MYOF: variants seen among roughly 807,000 people sequenced by gnomAD.
MYOF encodes fer-1-like 3, myoferlin.
Under a neutral mutation model 284.2 loss-of-function variants are expected in MYOF, and 244 were observed. The ratio of observed to expected loss-of-function variants is 0.86; its 90% CI spans 0.77 to 0.95. The LOEUF (loss-of-function observed/expected upper bound fraction) is 0.95. MYOF is among the 40% of genes least tolerant of loss of function. The pLI, the probability that MYOF is intolerant of heterozygous loss-of-function variation, is 0.00. For missense variants in MYOF, 2,496 were observed against 2,560.6 expected (o/e 0.97, Z 0.54); for synonymous variants, 904 against 919.7 (o/e 0.98, Z 0.31).
chr10:93,455,207 T>C (rs1324380152), intron 2 of MYOF, among the ~76,000 whole-genome samples: 1 of 151,088 alleles, frequency 6.6e-6, no homozygotes, highest in Non-Finnish European at 1.5e-5. Flanking sequence ...GAGAATTGCT[T>C]GAACCCAGGA....
intron 3 of MYOF, among the ~76,000 whole-genome samples, chr10:93,436,746 C>A (rs1021148051): frequency 6.6e-6 from 1 of 152,188 alleles, no homozygotes. Flanking sequence ...ATGACTTGGC[C>A]TCTTACACAG....
At chr10:93,307,364 C>T (rs1254667023) in intron 53 of MYOF, among the ~76,000 whole-genome samples, 4 of 152,122 alleles carry the variant, frequency 2.6e-5, no homozygotes, top group East Asian at 1.9e-4. Context: ...GGCGCGATCT[C>T]GGCTCACTGC....
At chr10:93,434,539 A>G (rs1849027755) in intron 3 of MYOF, among the ~76,000 whole-genome samples, 1 of 152,044 alleles carries the variant, frequency 6.6e-6, no homozygotes, top group Non-Finnish European at 1.5e-5. Context: ...GTCAATACAG[A>G]AATTAATTCT....
intron 3 of MYOF, among the ~76,000 whole-genome samples, chr10:93,446,367 T>A (rs545768350): frequency 4.1e-4 from 62 of 152,320 alleles, no homozygotes; most frequent in African/African-American, 1.5e-3. Context: ...AGTCCAAAAG[T>A]CAGTGTTACC....
rs371104829 is a variant in MYOF, at chr10:93,329,687, G to T, written c.4959C>A (p.Cys1653Ter). Residue 1653 changes from cysteine (C) to a stop codon, truncating the protein, a stop_gained, in exon 44 of 54, where the codon TGC (cysteine) becomes TGA (stop). Transcript: ENST00000359263. LOFTEE classifies it high-confidence loss of function. ...NRFLSRFGSH[C>*]GIPEEYCVSG... ...ACACACAGTACTCCTCTGGTATGCC[G>T]CAGTGGGACCCAAAGCGGGAAAGGA... is the stretch of plus-strand genomic sequence containing the variant. 1 of 1,614,120 alleles carries T rather than the reference G, an allele frequency of 6.2e-7. No homozygotes were observed. The highest frequency in any genetic ancestry group is 8.5e-7 in the Non-Finnish European group (1 of 1,180,038).
intron 17 of MYOF, among the ~76,000 whole-genome samples, chr10:93,392,370 T>A (rs1380369920): frequency 6.6e-6 from 1 of 152,154 alleles, no homozygotes; most frequent in African/African-American, 2.4e-5. Context: ...AACAAAAACA[T>A]CTGCCCTAGG....
At chr10:93,394,120 G>A (rs1388665267) in intron 16 of MYOF, among the ~76,000 whole-genome samples, 2 of 151,912 alleles carry the variant, frequency 1.3e-5, no homozygotes, top group Admixed American at 6.6e-5. Flanking sequence ...TTATTCATTC[G>A]AGATGGGGTC....
intron 5 of MYOF, among the ~76,000 whole-genome samples, chr10:93,422,953 G>A (rs1456566168): frequency 1.3e-5 from 2 of 151,886 alleles, no homozygotes; most frequent in Non-Finnish European, 1.5e-5. Context: ...TAACACAAGA[G>A]GACCCATTTA....
intron 31 of MYOF, 113 bp downstream of exon 31, chr10:93,355,515 G>A (rs754002927): frequency 2.3e-5 from 16 of 699,998 alleles, no homozygotes; most frequent in Non-Finnish European, 3.7e-5. Flanking sequence ...GAACCTGGGA[G>A]GTTGCAGCGA....
Position 93,356,746 on chromosome 10 carries a change from G to T in MYOF, c.3223C>A (p.Arg1075Ser). 1.9e-6 allele frequency: 3 copies of T among 1,614,136 alleles called. No homozygotes were observed. Among genetic ancestry groups the T allele is most frequent in the Non-Finnish European group, 2.5e-6 (3 of 1,180,040 alleles). ...QRSSDTFRRR[R>S]WRRKMAPSET... is the part of the protein sequence containing the mutation. ...GAAGGAGCCATTTTTCTCCTCCAGC[G>T]TCTGCGGCGGAAGGTATCTGAACTA... Residue 1075 changes from arginine (R) to serine (S), a missense_variant, in exon 30 of 54, where the codon CGC becomes AGC. Physicochemically the swap from Arg to Ser is moderately radical, Grantham distance 110 (BLOSUM62 -1). Transcript: ENST00000359263.
At position 93,333,282 on chromosome 10, in the gene MYOF, T is replaced by C; in HGVS notation, c.4750A>G (p.Lys1584Glu). The C allele has an allele frequency of 6.2e-7, 1 of 1,613,544 alleles. No homozygotes were observed. Among genetic ancestry groups the C allele is most frequent in the Non-Finnish European group, 8.5e-7 (1 of 1,179,788 alleles). Residue 1584 changes from lysine to glutamate, a missense_variant, in exon 43 of 54, where the codon AAA (lysine) becomes GAA (glutamate). Coordinates refer to ENST00000359263, the MANE Select transcript of MYOF (RefSeq NM_013451.4). ...TGATCTCGGTCTTCAATGACTTTTT[T>C]GCCCAGTGTTATTTTTATGTAAGGG... ...CDPYIKITLG[K>E]KVIEDRDHYI...
chr10:93,440,305 G>A (rs770281030), intron 3 of MYOF, among the ~76,000 whole-genome samples: 12 of 152,046 alleles, frequency 7.9e-5, no homozygotes, highest in Admixed American at 2.0e-4. Flanking sequence ...CTAGCTACTC[G>A]GGAGGCTGGG....
chr10:93,480,123 T>C (rs1160472983), intron 1 of MYOF, among the ~76,000 whole-genome samples: 1 of 152,226 alleles, frequency 6.6e-6, no homozygotes, highest in African/African-American at 2.4e-5. Flanking sequence ...AAAATCTTCA[T>C]ATTATGTCTC....
intron 5 of MYOF, among the ~76,000 whole-genome samples, chr10:93,419,894 G>A (rs867573126): frequency 6.6e-6 from 1 of 152,178 alleles, no homozygotes; most frequent in Non-Finnish European, 1.5e-5. Context: ...CACTTTGGGA[G>A]GCCGAGGCTG....
At position 93,402,909 on chromosome 10, in the gene MYOF, A is replaced by C; in HGVS notation, c.844-19T>G. The stretch of plus-strand genomic sequence containing the variant: ...CATCAATCTGGGAAAACAATAATCG[A>C]AAGTAGTCTAAGTAGATTTTAAAAT... On this transcript the variant is annotated intron_variant, in intron 9 of 53. Coordinates refer to ENST00000359263, the MANE Select transcript of MYOF (RefSeq NM_013451.4). 6.2e-7 allele frequency: 1 copy of C among 1,602,026 alleles called. No individual in the cohort carries two copies. The highest frequency in any genetic ancestry group is 8.6e-7 in the Non-Finnish European group (1 of 1,169,346).
In MYOF at chr10:93,329,713, A is replaced by G. The variant is rs768790699; in HGVS notation, c.4933T>C (p.Phe1645Leu). 11 of 1,614,124 alleles carry G rather than the reference A, an allele frequency of 6.8e-6. No homozygotes were observed. The African/African-American group carries it at 1.3e-4, about 20-fold the overall frequency. Reference protein sequence around the residue: ...GETIIDLENRFLSRFGSHCGI... With the variant: ...GETIIDLENRLLSRFGSHCGI... The stretch of plus-strand genomic sequence containing the variant: ...CAGTGGGACCCAAAGCGGGAAAGGA[A>G]TCGGTTTTCCAGATCAATAATTGTT... The change falls in exon 44 of 54, where the codon TTC (phenylalanine) becomes CTC (leucine). Residue 1645 changes from phenylalanine to leucine, a missense_variant. Physicochemically the swap from Phe to Leu is conservative, Grantham distance 22. Around this residue, in one of 3 missense-constraint regions of MYOF, gnomAD observed 2,436 missense variants for 2,480.7 expected, o/e 0.98. Transcript: ENST00000359263.
intron 3 of MYOF, among the ~76,000 whole-genome samples, chr10:93,436,837 C>CTAT (rs1849146279): frequency 6.6e-6 from 1 of 152,082 alleles, no homozygotes; most frequent in African/African-American, 2.4e-5. Context: ...TTTTTCTTTT[C>CTAT]TATTACTAAT....
intron 3 of MYOF, among the ~76,000 whole-genome samples, chr10:93,449,463 T>C (rs551767748): frequency 6.6e-6 from 1 of 152,168 alleles, no homozygotes; most frequent in Non-Finnish European, 1.5e-5. Flanking sequence ...AGGAGGCTAG[T>C]GTGAGGCCCT....
intron 27 of MYOF, among the ~76,000 whole-genome samples, chr10:93,362,262 T>TG (rs574981397): frequency 1.3e-4 from 19 of 150,932 alleles, no homozygotes; most frequent in Non-Finnish European, 2.1e-4. Context: ...TTTGTTTTTT[T>TG]TGAGACAGAG....
Sources: gnomAD v4.1 joint callset for allele counts (sites outside exome capture counted in the v4.1 genomes callset) on GRCh38, gnomAD v4.1.1 for gene constraint, gnomAD v4.1.1 regional missense constraint, MANE v1.5 for transcripts, NCBI Gene and HGNC (gene_info 2026-07-23, HGNC 2026-07-21) for gene names.